EYS: variants seen among roughly 807,000 people sequenced by gnomAD.
EYS encodes the protein EGF-like photoreceptor maintenance factor, also known as protein eyes shut homolog.
In EYS, 250 loss-of-function variants were observed where a neutral mutation model predicts 282.1. The observed-to-expected ratio is 0.89, with a 90% CI of 0.80 to 0.98. EYS has a LOEUF of 0.98. Ranked by LOEUF, EYS falls within the 50% of genes least tolerant of loss-of-function variation. The pLI, the probability that EYS is intolerant of heterozygous loss-of-function variation, is 0.00. For missense variants in EYS, 4,016 were observed against 3,709.0 expected (o/e 1.08, Z -2.15); for synonymous variants, 1,355 against 1,282.9 (o/e 1.06, Z -1.20).
At chr6:64,446,243 C>T (rs1272396368) in intron 26 of EYS, among the ~76,000 whole-genome samples, 1 of 152,088 alleles carries the variant, frequency 6.6e-6, no homozygotes, top group East Asian at 1.9e-4. Flanking sequence ...ATACTAATAG[C>T]CACTCCCCTT....
At chr6:65,068,960 C>T (rs1051395954) in intron 12 of EYS, among the ~76,000 whole-genome samples, 1 of 151,908 alleles carries the variant, frequency 6.6e-6, no homozygotes, top group African/African-American at 2.4e-5. Context: ...ATCATCCTTT[C>T]AAGAGATGAT....
At chr6:64,690,125 T>A (rs1233598138) in intron 22 of EYS, among the ~76,000 whole-genome samples, 1 of 151,080 alleles carries the variant, frequency 6.6e-6, no homozygotes, top group African/African-American at 2.4e-5. Context: ...TCAAACAAAT[T>A]TACAAGAAAA....
intron 30 of EYS, among the ~76,000 whole-genome samples, chr6:64,238,307 A>G (rs1239949461): frequency 6.6e-6 from 1 of 152,076 alleles, no homozygotes. Context: ...TCACAGTATG[A>G]AGGGTGGATA....
At chr6:63,840,382 G>A (rs1771926076) in intron 36 of EYS, among the ~76,000 whole-genome samples, 1 of 152,018 alleles carries the variant, frequency 6.6e-6, no homozygotes, top group African/African-American at 2.4e-5. Flanking sequence ...TAATTGGATT[G>A]TTGTTTGTTT....
At chr6:65,642,076 T>C (rs145192401) in intron 1 of EYS, among the ~76,000 whole-genome samples, 91 of 152,302 alleles carry the variant, frequency 6.0e-4, no homozygotes, top group African/African-American at 1.9e-3. Context: ...CATAACTGAA[T>C]ATATAGGGCC....
At chr6:64,346,422 A>G (rs913580564) in intron 29 of EYS, among the ~76,000 whole-genome samples, 1 of 151,950 alleles carries the variant, frequency 6.6e-6, no homozygotes, top group Non-Finnish European at 1.5e-5. Context: ...TGAAGCTGGA[A>G]ACCATCATTC....
chr6:65,471,386 A>T (rs929190383), intron 5 of EYS, among the ~76,000 whole-genome samples: 2 of 152,024 alleles, frequency 1.3e-5, no homozygotes, highest in Admixed American at 6.6e-5. Flanking sequence ...ACAACGTGAG[A>T]CCCTGTTTTA....
Position 63,720,662 on chromosome 6 carries a change from G to GT in EYS, c.9368dup (p.Asn3123LysfsTer3). Reference sequence around the variant, plus strand: ...ATCCTTCTAATTTAATTAGTTCAATGTTTTTTGGTTCCTGAAAAAATACAA... The same window carrying GT: ...ATCCTTCTAATTTAATTAGTTCAATGTTTTTTTGGTTCCTGAAAAAATACAA... On this transcript the variant is annotated frameshift_variant, in exon 43 of 43. Coordinates refer to ENST00000503581, the MANE Select transcript of EYS (RefSeq NM_001142800.2). LOFTEE classifies it high-confidence loss of function. 1.9e-6 allele frequency: 3 copies of GT among 1,540,564 alleles called. No homozygotes were observed. Among genetic ancestry groups the GT allele is most frequent in the Non-Finnish European group, 1.8e-6 (2 of 1,142,170 alleles).
chr6:64,442,492 C>T (rs529935289), intron 26 of EYS, among the ~76,000 whole-genome samples: 2 of 152,322 alleles, frequency 1.3e-5, no homozygotes, highest in Non-Finnish European at 2.9e-5. Context: ...AAATGTTAAT[C>T]CCCCAAGATA....
chr6:65,186,271 C>T (rs6899758), intron 12 of EYS, among the ~76,000 whole-genome samples: 13,987 of 151,688 alleles, frequency 0.092, 729 homozygotes, highest in African/African-American at 0.14. Context: ...TGTGCTCCTG[C>T]CAATTTGTGA....
intron 12 of EYS, among the ~76,000 whole-genome samples, chr6:65,104,870 T>C (rs1258530554): frequency 6.6e-6 from 1 of 151,704 alleles, no homozygotes; most frequent in Non-Finnish European, 1.5e-5. Flanking sequence ...TCAAATAATA[T>C]ATTTTCTGAA....
At chr6:65,568,013 C>G (rs1764337316) in intron 2 of EYS, among the ~76,000 whole-genome samples, 1 of 152,032 alleles carries the variant, frequency 6.6e-6, no homozygotes, top group African/African-American at 2.4e-5. Context: ...GTTTTCCCAC[C>G]TAGAACAAGA....
At chr6:64,835,833 G>T (rs1754110113) in intron 19 of EYS, among the ~76,000 whole-genome samples, 1 of 151,516 alleles carries the variant, frequency 6.6e-6, no homozygotes, top group South Asian at 2.1e-4. Context: ...TATGTGCCAA[G>T]GCTCGAGACA....
intron 5 of EYS, among the ~76,000 whole-genome samples, chr6:65,411,472 T>A (rs918413490): frequency 1.3e-5 from 2 of 152,106 alleles, no homozygotes; most frequent in Non-Finnish European, 2.9e-5. Context: ...TATAACACTA[T>A]ATCAAACTAG....
chr6:65,593,442 G>A (rs1425904497), intron 2 of EYS, among the ~76,000 whole-genome samples: 2 of 151,978 alleles, frequency 1.3e-5, no homozygotes, highest in African/African-American at 4.8e-5. Context: ...CTTAGGGCAT[G>A]GGCTTTTAAT....
chr6:64,513,959 AC>A (rs1333608240), intron 26 of EYS, among the ~76,000 whole-genome samples: 1 of 151,894 alleles, frequency 6.6e-6, no homozygotes, highest in Non-Finnish European at 1.5e-5. Flanking sequence ...GAACATTCTT[AC>A]AAGAAAGTGT....
chr6:65,469,054 A>T (rs1406946832), intron 5 of EYS, among the ~76,000 whole-genome samples: 3 of 152,122 alleles, frequency 2.0e-5, no homozygotes, highest in Non-Finnish European at 4.4e-5. Flanking sequence ...GATAATATAT[A>T]TCGTACACTC....
chr6:64,055,305 G>A (rs373131158), intron 33 of EYS, among the ~76,000 whole-genome samples: 2 of 152,092 alleles, frequency 1.3e-5, no homozygotes, highest in East Asian at 3.8e-4. Flanking sequence ...ATAGGTGTAT[G>A]TGTGTGTGAA....
In EYS at chr6:63,721,083, G is replaced by A; in HGVS notation, c.8948C>T (p.Ser2983Phe). The A allele has an allele frequency of 6.4e-7, 1 of 1,551,178 alleles. No individual in the cohort carries two copies. The highest frequency in any genetic ancestry group is 8.7e-7 in the Non-Finnish European group (1 of 1,146,690). ...TGTTTTAGTGGTACTGAAATTTAAGGATATAGTAGTGAACTGGAGGTTTCT... is the reference window on the plus strand; with the variant it reads ...TGTTTTAGTGGTACTGAAATTTAAGAATATAGTAGTGAACTGGAGGTTTCT... ...RMRNLQFTTI[S>F]LNFSTTKTEG... The change falls in exon 43 of 43, where the codon TCC becomes TTC. Residue 2983 changes from serine to phenylalanine, a missense_variant. Physicochemically the swap from Ser to Phe is radical, Grantham distance 155 (BLOSUM62 -2). Transcript: ENST00000503581.
Sources: allele counts gnomAD v4.1 joint callset (sites outside exome capture counted in the v4.1 genomes callset), GRCh38; gene constraint gnomAD v4.1.1; transcripts MANE v1.5; gene names NCBI Gene and HGNC (gene_info 2026-07-23, HGNC 2026-07-21).